MYH13: variants seen among roughly 807,000 people sequenced by gnomAD.
The protein encoded by MYH13 is myosin heavy chain 13.
In MYH13, 177 loss-of-function variants were observed where a neutral mutation model predicts 232.1. The ratio of observed to expected loss-of-function variants is 0.76; its 90% confidence interval spans 0.67 to 0.86. The LOEUF is 0.86. Ranked by LOEUF, MYH13 falls within the 40% of genes least tolerant of loss-of-function variation. The pLI is 0.00. For missense variants in MYH13, 2,246 were observed against 2,405.9 expected, an observed-to-expected ratio of 0.93 and a Z score of 1.39; for synonymous variants, 884 against 923.5, an observed-to-expected ratio of 0.96 and a Z score of 0.78.
chr17:10,320,913 T>G (rs1906917455), intron 24 of MYH13, among the ~76,000 whole-genome samples: 1 of 152,180 alleles, frequency 6.6e-6, no homozygotes, highest in Non-Finnish European at 1.5e-5. Context: ...GGCAAGGAAT[T>G]CGTGTGTGTG....
At chr17:10,372,733 T>C (rs529409869) in intron 1 of MYH13, among the ~76,000 whole-genome samples, 1 of 152,384 alleles carries the variant, frequency 6.6e-6, no homozygotes, top group Admixed American at 6.5e-5. Flanking sequence ...AGTTTTGTTC[T>C]GCAGGTGAAT....
chr17:10,338,036 A>T (rs1436163649), intron 18 of MYH13, among the ~76,000 whole-genome samples: 3 of 152,126 alleles, frequency 2.0e-5, no homozygotes, highest in Admixed American at 6.5e-5. Flanking sequence ...CTGGCGACAG[A>T]GCGAGAGTCT....
At chr17:10,331,051 C>T (rs1158804568) in intron 20 of MYH13, among the ~76,000 whole-genome samples, 4 of 152,010 alleles carry the variant, frequency 2.6e-5, no homozygotes, top group Non-Finnish European at 2.9e-5. Context: ...ACAACAACAA[C>T]GACAAAAACA....
At chr17:10,352,024 A>AT (rs2071714336) in intron 11 of MYH13, among the ~76,000 whole-genome samples, 1 of 152,174 alleles carries the variant, frequency 6.6e-6, no homozygotes, top group African/African-American at 2.4e-5. Flanking sequence ...TTCCGAGGCC[A>AT]TGATGGCCAT....
rs1242589341 is a variant in MYH13 at position 10,364,428 on chromosome 17, T to C, written c.103A>G (p.Lys35Glu). The C allele has an allele frequency of 1.2e-6, 2 of 1,613,610 alleles. No individual in the cohort carries two copies. Among genetic ancestry groups the C allele is most frequent in the Admixed American group, 3.3e-5 (2 of 59,988 alleles). Residue 35 changes from lysine (K) to glutamate (E), a missense_variant, in exon 3 of 41, where the codon AAG becomes GAG. Coordinates refer to ENST00000252172, the MANE Select transcript of MYH13 (RefSeq NM_003802.3). Reference protein sequence around the residue: ...IEAQNRPFDSKKACFVADNKE... With the variant: ...IEAQNRPFDSEKACFVADNKE... The stretch of plus-strand genomic sequence containing the variant: ...TTATCCGCTACAAAGCAGGCTTTCT[T>C]GGAATCGAATGGACGATTTTGAGCC...
At chr17:10,361,912 G>C (rs1438912679) in intron 5 of MYH13, among the ~76,000 whole-genome samples, 1 of 152,232 alleles carries the variant, frequency 6.6e-6, no homozygotes, top group Non-Finnish European at 1.5e-5. Context: ...CAAGAGCTCA[G>C]TGTAGCTTCA....
intron 20 of MYH13, 67 bp from the exon 21 acceptor site, chr17:10,330,590 G>A: frequency 6.5e-7 from 1 of 1,541,064 alleles, no homozygotes; most frequent in Non-Finnish European, 8.7e-7. Flanking sequence ...CCCTTGAGGG[G>A]GCCTGTTTCT....
rs1241104008 is a variant in MYH13 at position 10,303,471 on chromosome 17, C to T, written c.5494G>A (p.Val1832Met). ...GCTTCAGCTCCCCTCTTCTGTTCCA[C>T]ATCAAGCTCATTTTCCAGCTCCCGC... ...RVRELENELD[V>M]EQKRGAEALK... is the part of the protein sequence containing the mutation. The change falls in exon 38 of 41, where the codon GTG (valine) becomes ATG (methionine). Residue 1832 changes from valine to methionine, a missense_variant. Val to Met is a conservative substitution (Grantham distance 21). Coordinates refer to ENST00000252172, the MANE Select transcript of MYH13 (RefSeq NM_003802.3). The T allele has an allele frequency of 1.9e-6, 3 of 1,614,006 alleles. No homozygotes were observed. The highest frequency in any genetic ancestry group is 1.7e-6 in the Non-Finnish European group (2 of 1,179,888).
At chr17:10,303,585 C>A in intron 37 of MYH13, 87 bp from the exon 38 acceptor site, 2 of 1,138,214 alleles carry the variant, frequency 1.8e-6, no homozygotes, top group South Asian at 2.5e-5. Flanking sequence ...CTAGAGTGAA[C>A]TCAAGATCCC....
chr17:10,342,316 C>G (rs2071624631), intron 16 of MYH13, among the ~76,000 whole-genome samples: 1 of 152,126 alleles, frequency 6.6e-6, no homozygotes. Context: ...GCCTCAGCGT[C>G]CCAAAGTGTT....
chr17:10,333,323 C>T, intron 18 of MYH13, 132 bp from the exon 19 acceptor site: 1 of 683,418 alleles, frequency 1.5e-6, no homozygotes, highest in Non-Finnish European at 2.6e-6. Flanking sequence ...TCAGTGCCAG[C>T]TCCAAGGTAG....
intron 31 of MYH13, 94 bp downstream of exon 31, chr17:10,312,480 C>T: frequency 7.1e-7 from 1 of 1,416,970 alleles, no homozygotes; most frequent in Non-Finnish European, 9.5e-7. Context: ...ACATTTGTCC[C>T]TTTTCCAAAT....
intron 18 of MYH13, among the ~76,000 whole-genome samples, chr17:10,338,705 T>TTTTG (rs2071595730): frequency 7.0e-6 from 1 of 142,848 alleles, no homozygotes; most frequent in Non-Finnish European, 1.6e-5. Context: ...TTTTTTTTTT[T>TTTTG]GTTTGTTTTT....
chr17:10,367,402 A>G (rs753391685), intron 2 of MYH13, among the ~76,000 whole-genome samples: 1 of 152,184 alleles, frequency 6.6e-6, no homozygotes, highest in Non-Finnish European at 1.5e-5. Context: ...AGGCTAGAGT[A>G]TAGTGGCGCA....
intron 29 of MYH13, 96 bp downstream of exon 29, chr17:10,315,597 G>C: frequency 9.0e-7 from 1 of 1,106,872 alleles, no homozygotes; most frequent in Non-Finnish European, 1.3e-6. Context: ...CCCAGCTGCA[G>C]CAGATTTCTT....
In MYH13 at chr17:10,303,921, T is replaced by C. The variant is rs552338895; in HGVS notation, c.5467-423A>G. Among the ~76,000 whole-genome samples the C allele has an allele frequency of 1.4e-3, 219 of 152,244 alleles. 2 individuals are homozygous for C. The highest frequency in any genetic ancestry group is 5.1e-3 in the African/African-American group (212 of 41,538). ...ATAAAGAAAATATGGCACATATACATCATGGAATACTATGCAGCCATAAAA... is the reference window on the plus strand; with the variant it reads ...ATAAAGAAAATATGGCACATATACACCATGGAATACTATGCAGCCATAAAA... On this transcript the variant is annotated intron_variant, in intron 37 of 40. Coordinates refer to ENST00000252172, the MANE Select transcript of MYH13 (RefSeq NM_003802.3).
At chr17:10,333,707 G>C (rs1224723881) in intron 18 of MYH13, among the ~76,000 whole-genome samples, 2 of 152,186 alleles carry the variant, frequency 1.3e-5, no homozygotes, top group Non-Finnish European at 2.9e-5. Flanking sequence ...AGGAGCTCGA[G>C]ACCAGCCTGG....
In MYH13 at chr17:10,312,435, C is replaced by T. The variant is rs868621866; in HGVS notation, c.4365+139G>A. On this transcript the variant is annotated intron_variant, in intron 31 of 40. Coordinates refer to ENST00000252172, the MANE Select transcript of MYH13 (RefSeq NM_003802.3). ...TGTGCAGGTATCTCACACATCTAAG[C>T]GTGAAACTGTTGTTTTCACCACTGC... 23 of 1,004,886 alleles carry T rather than the reference C, an allele frequency of 2.3e-5. No homozygotes were observed. In the African/African-American group the frequency reaches 3.2e-4, roughly 14 times the overall value. 62.2% of individuals were successfully genotyped at this position (1,004,886 alleles called of 1,614,324 possible). A position where few individuals can be genotyped will look rare whatever the true frequency, so the allele number is the denominator to read the frequency against.
At chr17:10,366,145 C>T (rs1316620978) in intron 2 of MYH13, among the ~76,000 whole-genome samples, 1 of 151,992 alleles carries the variant, frequency 6.6e-6, no homozygotes, top group African/African-American at 2.4e-5. Flanking sequence ...CTAAGGTTCC[C>T]GTAAGTCCTG....
Sources: allele counts gnomAD v4.1 joint callset (sites outside exome capture counted in the v4.1 genomes callset), GRCh38; gene constraint gnomAD v4.1.1; transcripts MANE v1.5; gene names NCBI Gene and HGNC (gene_info 2026-07-23, HGNC 2026-07-21).